Variants in SREBF2 observed in about 807,000 individuals in gnomAD.
SREBF2 encodes sterol regulatory element-binding protein 2.
In SREBF2, 55 loss-of-function variants were observed where a neutral mutation model predicts 113.1. The ratio of observed to expected loss-of-function variants is 0.49; its 90% CI spans 0.39 to 0.61. SREBF2 has a LOEUF of 0.61. Ranked by LOEUF, SREBF2 falls within the 20% of genes least tolerant of loss-of-function variation. The pLI, the probability that SREBF2 is intolerant of heterozygous loss-of-function variation, is 0.00. For missense variants in SREBF2, 1,349 were observed against 1,487.4 expected (o/e 0.91, Z 1.53); for synonymous variants, 593 against 605.7 (o/e 0.98, Z 0.31).
chr22:41,872,213 G>A (rs547774190), intron 4 of SREBF2, among the ~76,000 whole-genome samples: 2 of 149,340 alleles, frequency 1.3e-5, no homozygotes, highest in Admixed American at 1.3e-4. Context: ...TTGCGCCACT[G>A]CACTCCAGCC....
At chr22:41,867,368 C>G in intron 2 of SREBF2, 88 bp downstream of exon 2, 1 of 1,389,740 alleles carries the variant, frequency 7.2e-7, no homozygotes, top group Non-Finnish European at 1.0e-6. Context: ...CTGTCGTCTT[C>G]AGGAATGGCA....
intron 14 of SREBF2, 66 bp downstream of exon 14, chr22:41,897,227 C>CTGGA: frequency 9.7e-7 from 1 of 1,030,616 alleles, no homozygotes; most frequent in Non-Finnish European, 1.5e-6. Flanking sequence ...TGCTTTTGCC[C>CTGGA]CAGGGGTCCA....
At chr22:41,893,448 G>T (rs1325549122) in intron 12 of SREBF2, among the ~76,000 whole-genome samples, 163 bp downstream of exon 12, 1 of 152,166 alleles carries the variant, frequency 6.6e-6, no homozygotes, top group East Asian at 1.9e-4. Context: ...GCTCAGGGAG[G>T]TTGAGTAACT....
At chr22:41,898,864 G>A in intron 15 of SREBF2, 83 bp downstream of exon 15, 1 of 1,567,964 alleles carries the variant, frequency 6.4e-7, no homozygotes, top group Non-Finnish European at 8.7e-7. Context: ...GGACTGGGTG[G>A]GCGTGTTGGG....
At chr22:41,858,097 T>C (rs2076994043) in intron 1 of SREBF2, among the ~76,000 whole-genome samples, 1 of 152,188 alleles carries the variant, frequency 6.6e-6, no homozygotes, top group South Asian at 2.1e-4. Context: ...GGAGATAGGA[T>C]CATTATGATG....
At chr22:41,869,438 C>CAT (rs1380261053) in intron 3 of SREBF2, among the ~76,000 whole-genome samples, 1 of 104,446 alleles carries the variant, frequency 9.6e-6, no homozygotes, top group African/African-American at 3.8e-5. Context: ...GGATCCTGAA[C>CAT]ATATATTGGG....
At chr22:41,891,450 A>G (rs2267443) in intron 11 of SREBF2, 101,223 of 151,982 alleles carry the variant, frequency 0.67, 34,247 homozygotes, top group African/African-American at 0.77. Flanking sequence ...GATTATGAGT[A>G]TGTGTCTATA....
At chr22:41,876,905 C>G (rs764045549) in intron 7 of SREBF2, among the ~76,000 whole-genome samples, 4 of 152,168 alleles carry the variant, frequency 2.6e-5, no homozygotes, top group Non-Finnish European at 5.9e-5. Context: ...ACTTTAGATT[C>G]ATTTTGCCTG....
chr22:41,887,649 G>A lies in SREBF2; in HGVS notation c.2208+2638G>A, dbSNP rs538754693. Among the ~76,000 whole-genome samples the A allele has an allele frequency of 4.6e-5, 7 of 152,236 alleles. No homozygotes were observed. In the East Asian group the frequency reaches 1.4e-3, roughly 29 times the overall value. On this transcript the variant is annotated intron_variant, in intron 11 of 18. Transcript: ENST00000361204. Reference sequence around the variant, plus strand: ...AACTTTTTAGTTGTTTTCTGGCTTTGGTTATTATGAAGGGTGCTGCTGTGA... The same window carrying A: ...AACTTTTTAGTTGTTTTCTGGCTTTAGTTATTATGAAGGGTGCTGCTGTGA...
intron 1 of SREBF2, among the ~76,000 whole-genome samples, chr22:41,851,529 T>C (rs946778465): frequency 6.6e-6 from 1 of 152,068 alleles, no homozygotes; most frequent in African/African-American, 2.4e-5. Flanking sequence ...GTCTTGCTCT[T>C]GTCCCCCAGT....
chr22:41,840,126 T>C (rs938414733), intron 1 of SREBF2, among the ~76,000 whole-genome samples: 1 of 152,002 alleles, frequency 6.6e-6, no homozygotes, highest in Non-Finnish European at 1.5e-5. Context: ...ACCCAGCTAA[T>C]TTTTTGTATT....
chr22:41,845,894 G>T (rs2076872952), intron 1 of SREBF2, among the ~76,000 whole-genome samples: 1 of 152,192 alleles, frequency 6.6e-6, no homozygotes, highest in Non-Finnish European at 1.5e-5. Flanking sequence ...GAATGTGGAA[G>T]GTCTGGGATG....
intron 11 of SREBF2, among the ~76,000 whole-genome samples, chr22:41,892,016 A>C (rs1209233613): frequency 6.6e-6 from 1 of 152,200 alleles, no homozygotes; most frequent in African/African-American, 2.4e-5. Context: ...GAATTGTCCC[A>C]CAAAGAGGCT....
At chr22:41,847,748 T>C (rs2076890504) in intron 1 of SREBF2, among the ~76,000 whole-genome samples, 2 of 152,226 alleles carry the variant, frequency 1.3e-5, no homozygotes, top group African/African-American at 4.8e-5. Context: ...CAAAGTGTCA[T>C]TGAGATTAAA....
At chr22:41,877,920 C>T (rs1259949904) in intron 8 of SREBF2, 22 bp from the exon 9 acceptor site, 7 of 1,614,054 alleles carry the variant, frequency 4.3e-6, no homozygotes, top group Non-Finnish European at 5.1e-6. Flanking sequence ...CTAGCAGACT[C>T]TGCTGAGACG....
chr22:41,905,623 T>C lies in SREBF2; in HGVS notation c.3389T>C (p.Val1130Ala). The C allele has an allele frequency of 6.3e-7, 1 of 1,597,084 alleles. No individual in the cohort carries two copies. The highest frequency in any genetic ancestry group is 1.1e-5 in the South Asian group (1 of 88,178). The change falls in exon 19 of 19, where the codon GTT becomes GCT. Residue 1130 changes from valine to alanine, a missense_variant. Physicochemically the swap from Val to Ala is moderately conservative, Grantham distance 64. Transcript: ENST00000361204. ...TGCAACGACTGCCAGCAGATGATTG[T>C]TAAGCTGGGTGGTGGCACTGCCATT... Reference protein sequence around the residue: ...RSCNDCQQMIVKLGGGTAIAA... With the variant: ...RSCNDCQQMIAKLGGGTAIAA...
intron 1 of SREBF2, among the ~76,000 whole-genome samples, chr22:41,849,861 G>A (rs1303333103): frequency 3.9e-5 from 6 of 152,262 alleles, no homozygotes; most frequent in East Asian, 3.9e-4. Context: ...AAGATGGGCC[G>A]GGCTTGGTGA....
In SREBF2 at chr22:41,867,031, T is replaced by G. The variant is rs771839575; in HGVS notation, c.289T>G (p.Leu97Val). Reference protein sequence around the residue: ...SVQRSFTQVTLPSFSPSAASP... With the variant: ...SVQRSFTQVTVPSFSPSAASP... ...GCAACGGTCATTCACCCAGGTCACATTACCTTCCTTCTCTCCCTCGGCGGC... is the reference window on the plus strand; with the variant it reads ...GCAACGGTCATTCACCCAGGTCACAGTACCTTCCTTCTCTCCCTCGGCGGC... Residue 97 changes from leucine to valine, a missense_variant, in exon 2 of 19, where the codon TTA becomes GTA. Leu to Val is a conservative substitution (Grantham distance 32). This residue lies in a region of SREBF2 where 699 missense variants were observed against 843.3 expected (regional missense o/e 0.83). Transcript: ENST00000361204. The G allele has an allele frequency of 3.1e-6, 5 of 1,614,116 alleles. No individual in the cohort carries two copies. The highest frequency in any genetic ancestry group is 4.2e-6 in the Non-Finnish European group (5 of 1,180,026).
chr22:41,891,301 G>T (rs58429737), intron 11 of SREBF2: 1 of 152,182 alleles, frequency 6.6e-6, no homozygotes, highest in East Asian at 1.9e-4. Context: ...AGAGGGTCGC[G>T]AGGGTCCTCT....
Sources: allele counts gnomAD v4.1 joint callset (sites outside exome capture counted in the v4.1 genomes callset), GRCh38; gene constraint gnomAD v4.1.1; regional missense constraint gnomAD v4.1.1; transcripts MANE v1.5; gene names NCBI Gene and HGNC (gene_info 2026-07-23, HGNC 2026-07-21).